The following SNTG2 variants were observed in gnomAD, a reference collection of about 807,000 sequenced individuals.
SNTG2 encodes gamma-2-syntrophin.
SNTG2 carries 74 observed loss-of-function variants against 70.9 expected under a neutral mutation model. The ratio of observed to expected loss-of-function variants is 1.04; its 90% CI spans 0.86 to 1.27. The LOEUF (loss-of-function observed/expected upper bound fraction) is 1.27, where lower values mean the gene tolerates loss of function less well. Ranked by LOEUF, SNTG2 falls within the 50% of genes most tolerant of loss-of-function variation. The pLI is 0.00. For synonymous variants in SNTG2, 278 were observed against 273.8 expected (o/e 1.02, Z -0.15); for missense variants, 717 against 690.7 (o/e 1.04, Z -0.43).
chr2:1,208,762 T>C (rs1198372076), intron 8 of SNTG2, among the ~76,000 whole-genome samples: 1 of 152,018 alleles, frequency 6.6e-6, no homozygotes, highest in Non-Finnish European at 1.5e-5. Flanking sequence ...ACATTTCAGG[T>C]TGTTTTGGTT....
rs180762104 is a variant in SNTG2, at chr2:1,225,832, C to T, written c.720-12056C>T. ...CTCTTGAGTGACACCAGGTCTTTCT[C>T]ATCTTTGACTCAGGAGGTGCAGCCC... On this transcript the variant is annotated intron_variant, in intron 9 of 16. Transcript: ENST00000308624. Among the ~76,000 whole-genome samples, 301 of 152,318 alleles carry T rather than the reference C, an allele frequency of 2.0e-3. 1 individual carries two copies. Among genetic ancestry groups the T allele is most frequent in the Admixed American group, 4.2e-3 (65 of 15,296 alleles).
At chr2:957,422 T>C (rs1045984672) in intron 1 of SNTG2, among the ~76,000 whole-genome samples, 3 of 152,032 alleles carry the variant, frequency 2.0e-5, no homozygotes, top group Admixed American at 2.0e-4. Context: ...TAAGTGCCAT[T>C]TGGAGAATTG....
intron 9 of SNTG2, among the ~76,000 whole-genome samples, chr2:1,230,779 C>A (rs942660850): frequency 1.3e-5 from 2 of 152,236 alleles, no homozygotes; most frequent in Non-Finnish European, 2.9e-5. Flanking sequence ...GTGGCACAAG[C>A]CCCCGCTACC....
intron 14 of SNTG2, among the ~76,000 whole-genome samples, chr2:1,270,987 A>G (rs1023719562): frequency 6.6e-6 from 1 of 152,220 alleles, no homozygotes; most frequent in Non-Finnish European, 1.5e-5. Flanking sequence ...ATCTAAACTG[A>G]TGACATTCCT....
intron 16 of SNTG2, 91 bp downstream of exon 16, chr2:1,316,466 A>C: frequency 2.1e-6 from 1 of 482,406 alleles, no homozygotes; most frequent in South Asian, 3.1e-5. Flanking sequence ...CACCCCTCCC[A>C]TGCACACAAA....
chr2:1,125,094 A>G (rs995624770), intron 4 of SNTG2, among the ~76,000 whole-genome samples: 4 of 152,176 alleles, frequency 2.6e-5, no homozygotes, highest in African/African-American at 9.7e-5. Flanking sequence ...ACAAAAATCT[A>G]CTGGACACCC....
At chr2:1,201,367 A>G (rs1271953929) in intron 8 of SNTG2, among the ~76,000 whole-genome samples, 2 of 151,854 alleles carry the variant, frequency 1.3e-5, no homozygotes, top group Non-Finnish European at 2.9e-5. Flanking sequence ...AGTAGAGGGT[A>G]GAAGGATGGT....
At position 951,006 on chromosome 2, in the gene SNTG2, G is replaced by A. The variant is rs1659935066; in HGVS notation, c.10G>A (p.Glu4Lys). ...AGCCGCAGGGGCGGCGATGGGCACC[G>A]AGGGACCCCCGCCCCCGGCCGCCTC... MGT[E>K]GPPPPAASRG... The change falls in exon 1 of 17, where the codon GAG (glutamate) becomes AAG (lysine). Residue 4 changes from glutamate (E) to lysine (K), a missense_variant. By Grantham distance (56) the Glu-to-Lys change is moderately conservative. Transcript: ENST00000308624. 5 of 1,259,078 alleles carry A rather than the reference G, an allele frequency of 4.0e-6. No individual in the cohort carries two copies. The highest frequency in any genetic ancestry group is 6.5e-5 in the South Asian group (2 of 30,906). The allele number at this position is 1,259,078 out of a possible 1,614,324, so 78.0% of individuals were successfully genotyped here. A position where few individuals can be genotyped will look rare whatever the true frequency, so the allele number is the denominator to read the frequency against.
intron 8 of SNTG2, among the ~76,000 whole-genome samples, chr2:1,174,537 C>T (rs1194248924): frequency 6.6e-6 from 1 of 152,104 alleles, no homozygotes; most frequent in East Asian, 1.9e-4. Context: ...TTATAAATGT[C>T]TCTTGGCTAT....
chr2:1,005,804 AAAATATATATATATATATATAT>A (rs1659544254), intron 1 of SNTG2, among the ~76,000 whole-genome samples: 1 of 118,694 alleles, frequency 8.4e-6, no homozygotes, highest in South Asian at 3.1e-4. Flanking sequence ...ACTCTGCCTC[AAAATATATATATATATATATAT>A]ATATATATAT....
intron 1 of SNTG2, among the ~76,000 whole-genome samples, chr2:963,961 C>T (rs1660442593): frequency 6.6e-6 from 1 of 152,176 alleles, no homozygotes; most frequent in Admixed American, 6.5e-5. Flanking sequence ...GACCGTGTCT[C>T]TCATTTTTAA....
At position 1,181,277 on chromosome 2, in the gene SNTG2, T is replaced by C. The variant is rs138245896; in HGVS notation, c.591+8094T>C. ...TTGCACTCAAGAGTGTGTTTTATGGTACCTAGCAAAGTGGTAATACTAGCA... is the reference window on the plus strand; with the variant it reads ...TTGCACTCAAGAGTGTGTTTTATGGCACCTAGCAAAGTGGTAATACTAGCA... On this transcript the variant is annotated intron_variant, in intron 8 of 16. Transcript: ENST00000308624. Among the ~76,000 whole-genome samples, 964 of 152,272 alleles carry C rather than the reference T, an allele frequency of 6.3e-3. 5 individuals carry two copies. The highest frequency in any genetic ancestry group is 0.011 in the Non-Finnish European group (728 of 68,020).
At chr2:1,188,634 G>A (rs1197532061) in intron 8 of SNTG2, among the ~76,000 whole-genome samples, 1 of 150,356 alleles carries the variant, frequency 6.7e-6, no homozygotes, top group Admixed American at 6.6e-5. Flanking sequence ...TTTTCAATTT[G>A]CCTGAAATAC....
At chr2:1,198,187 A>T (rs1423570503) in intron 8 of SNTG2, among the ~76,000 whole-genome samples, 1 of 152,134 alleles carries the variant, frequency 6.6e-6, no homozygotes, top group East Asian at 1.9e-4. Flanking sequence ...TAGAAAAAAT[A>T]AGAAGAACCT....
chr2:1,186,661 T>C (rs1177768928), intron 8 of SNTG2, among the ~76,000 whole-genome samples: 6 of 152,054 alleles, frequency 3.9e-5, no homozygotes, highest in African/African-American at 1.4e-4. Flanking sequence ...TGCTACACAC[T>C]TTTAATAAAC....
At chr2:968,461 G>A (rs940857897) in intron 1 of SNTG2, among the ~76,000 whole-genome samples, 7 of 151,396 alleles carry the variant, frequency 4.6e-5, no homozygotes, top group African/African-American at 1.7e-4. Flanking sequence ...TTTTATTTTG[G>A]CCTTTTTGAA....
chr2:1,193,716 C>G (rs1181655479), intron 8 of SNTG2, among the ~76,000 whole-genome samples: 1 of 152,192 alleles, frequency 6.6e-6, no homozygotes, highest in Non-Finnish European at 1.5e-5. Flanking sequence ...CGCCTGACAG[C>G]AAAGGGCAGA....
intron 13 of SNTG2, among the ~76,000 whole-genome samples, chr2:1,261,116 G>A (rs10209040): frequency 0.31 from 46,421 of 152,010 alleles, 7,983 homozygotes; most frequent in African/African-American, 0.47. Flanking sequence ...ATAAATCTAT[G>A]GCATTCAATA....
intron 14 of SNTG2, among the ~76,000 whole-genome samples, chr2:1,289,363 C>G (rs1326926842): frequency 6.6e-6 from 1 of 152,026 alleles, no homozygotes; most frequent in Non-Finnish European, 1.5e-5. Context: ...TCAGCAGGAG[C>G]CTGCTCAGTC....
Sources: allele counts gnomAD v4.1 joint callset (sites outside exome capture counted in the v4.1 genomes callset), GRCh38; gene constraint gnomAD v4.1.1; transcripts MANE v1.5; gene names NCBI Gene and HGNC (gene_info 2026-07-23, HGNC 2026-07-21).